NOL3: variants seen among roughly 807,000 people sequenced by gnomAD.
The protein encoded by NOL3 is nucleolar protein 3.
NOL3 carries 18 observed loss-of-function variants against 19.2 expected under a neutral mutation model. That is an observed-to-expected ratio of 0.94 (90% CI 0.65 to 1.39). NOL3 has a LOEUF of 1.39. Among genes scored for constraint, NOL3 ranks in the 40% most tolerant of loss-of-function variants. NOL3 has a pLI of 0.00. For synonymous variants in NOL3, 127 were observed against 137.3 expected (o/e 0.93, Z 0.52); for missense variants, 290 against 289.5 (o/e 1.00, Z -0.01).
In NOL3 at chr16:67,170,725, C is replaced by G. The variant is rs539766736; in HGVS notation, c.-9+151C>G. Among the ~76,000 whole-genome samples the G allele has an allele frequency of 2.6e-5, 4 of 151,870 alleles. No individual in the cohort carries two copies. The highest frequency in any genetic ancestry group is 4.4e-5 in the Non-Finnish European group (3 of 67,976). ...GCGGGGTGGGTAGGACTGTGGGCCC[C>G]GCCCTGCCGCAGGACTCTCAAGCTC... On this transcript the variant is annotated intron_variant, in intron 1 of 3. Coordinates refer to ENST00000268605, the Ensembl canonical transcript of NOL3. This position sits in a 1 kb window ranked among gnomAD's most constrained non-coding sequence, Gnocchi z 5.7.
chr16:67,171,478 C>G (rs755200372), intron 1 of NOL3: 4 of 152,352 alleles, frequency 2.6e-5, no homozygotes, highest in African/African-American at 7.2e-5. Flanking sequence ...CGATCCCTGG[C>G]TGGTGGAGGG....
exon 4 of NOL3, chr16:67,175,169 A>T: frequency 1.3e-6 from 2 of 1,584,896 alleles, no homozygotes; most frequent in Non-Finnish European, 1.7e-6. Context: ...CTGGAAGTGA[A>T]TAAACTCCGG....
At chr16:67,172,373 G>A (rs1160234905) in intron 1 of NOL3, among the ~76,000 whole-genome samples, 2 of 152,150 alleles carry the variant, frequency 1.3e-5, no homozygotes, top group Non-Finnish European at 2.9e-5. Flanking sequence ...AACACTTTGG[G>A]AGGCCAAGGT....
chr16:67,173,793 G>A (rs1200104839), intron 1 of NOL3: 26 of 1,338,570 alleles, frequency 1.9e-5, no homozygotes, highest in Middle Eastern at 2.6e-4. Context: ...TTGGATAAAC[G>A]GGGTCTGAAC....
intron 1 of NOL3, chr16:67,171,914 G>A (rs1453391465): frequency 6.6e-6 from 1 of 152,398 alleles, no homozygotes; most frequent in Non-Finnish European, 1.5e-5. Flanking sequence ...GACATAAAGG[G>A]AGATGGAGGG....
chr16:67,173,952 A>G lies in NOL3; in HGVS notation c.-8-210A>G, dbSNP rs1199703912. On this transcript the variant is annotated intron_variant, in intron 1 of 3. Coordinates refer to ENST00000268605, the Ensembl canonical transcript of NOL3. ...AGAAGGAGGAGCCTGAGGAGGAGAC[A>G]GGACAGAGCGTCTGGAGAGGCAGGA... The G allele has an allele frequency of 2.0e-6, 3 of 1,536,680 alleles. No homozygotes were observed. The South Asian group carries it at 3.6e-5, about 18-fold the overall frequency.
rs1001482651 is a variant in NOL3, at chr16:67,175,229, G to A, written c.*175G>A. The A allele has an allele frequency of 5.3e-6, 8 of 1,503,406 alleles. No homozygotes were observed. In the Admixed American group the frequency reaches 1.6e-4, roughly 29 times the overall value. 93.1% of individuals were successfully genotyped at this position (1,503,406 alleles called of 1,614,324 possible). ...CTCCACGATTCTGGCTGTTTGCCCA[G>A]GAACTTAGGGTGGGTACCTCTGAGT... is the stretch of plus-strand genomic sequence containing the variant. On this transcript the variant is annotated 3_prime_UTR_variant, in exon 4 of 4. Coordinates refer to ENST00000268605, the Ensembl canonical transcript of NOL3.
At position 67,175,041 on chromosome 16, in the gene NOL3, C is replaced by G; in HGVS notation, c.620-6C>G. ...CCTCTTTGACCACTGTTCCCGTCAT[C>G]TCTAGATTCCTGAAGGCCAGAGCTC... On this transcript the variant is annotated splice_polypyrimidine_tract_variant and splice_region_variant and intron_variant, in intron 3 of 3. Coordinates refer to ENST00000268605, the Ensembl canonical transcript of NOL3. The G allele has an allele frequency of 6.2e-7, 1 of 1,614,194 alleles. No individual in the cohort carries two copies. Among genetic ancestry groups the G allele is most frequent in the East Asian group, 2.2e-5 (1 of 44,888 alleles).
exon 3 of NOL3, chr16:67,174,627 G>A (rs996645943): frequency 6.5e-7 from 1 of 1,531,578 alleles, no homozygotes; most frequent in Non-Finnish European, 8.7e-7. Flanking sequence ...CCAGGCTACC[G>A]GGACCGCAGC....
rs1286042259 is a variant in NOL3, at chr16:67,170,638, G to T, written c.-9+64G>T. ...CCACTCCCGGCTGTGGGAGGGAAGG[G>T]AAACCGAGATTGGGCAGAATCAGCG... On this transcript the variant is annotated intron_variant, in intron 1 of 3. Coordinates refer to ENST00000268605, the Ensembl canonical transcript of NOL3. The surrounding 1 kb of genome is among the most constrained non-coding windows in gnomAD (Gnocchi z 5.7). 6.6e-6 allele frequency: 1 copy of T among 152,210 alleles called. No homozygotes were observed. The highest frequency in any genetic ancestry group is 1.5e-5 in the Non-Finnish European group (1 of 68,060). The allele number at this position is 152,210 out of a possible 1,614,324, so 9.4% of individuals were successfully genotyped here.
intron 1 of NOL3, among the ~76,000 whole-genome samples, chr16:67,172,608 C>CAAAA (rs5817617): frequency 4.6e-4 from 55 of 120,178 alleles, no homozygotes; most frequent in African/African-American, 1.6e-3. Flanking sequence ...GAGACTCTGT[C>CAAAA]AAAAAAAAAA....
chr16:67,174,338 A>G (rs2031981997), exon 2 of NOL3: 2 of 1,596,490 alleles, frequency 1.3e-6, no homozygotes, highest in East Asian at 2.3e-5. Context: ...TGCCGAGCGC[A>G]GGGTGCGCCG....
Position 67,170,727 on chromosome 16 carries a change from C to G in NOL3, c.-9+153C>G, listed in dbSNP as rs1330982048. ...GGGGTGGGTAGGACTGTGGGCCCCG[C>G]CCTGCCGCAGGACTCTCAAGCTCTG... On this transcript the variant is annotated intron_variant, in intron 1 of 3. Transcript: ENST00000268605. This position sits in a 1 kb window ranked among gnomAD's most constrained non-coding sequence, Gnocchi z 5.7. Among the ~76,000 whole-genome samples, 1 of 152,168 alleles carries G rather than the reference C, an allele frequency of 6.6e-6. No homozygotes were observed. Among genetic ancestry groups the G allele is most frequent in the East Asian group, 1.9e-4 (1 of 5,190 alleles).
rs1183957767 is a variant in NOL3, at chr16:67,170,859, C to T, written c.-9+285C>T. Among the ~76,000 whole-genome samples, 1 of 152,252 alleles carries T rather than the reference C, an allele frequency of 6.6e-6. No individual in the cohort carries two copies. Among genetic ancestry groups the T allele is most frequent in the Non-Finnish European group, 1.5e-5 (1 of 68,048 alleles). ...ACCCTGGCTTCCTGGCCAAAGAGCCCGCGCAGCGAGGTGGGGTTGGGGGCT... is the reference window on the plus strand; with the variant it reads ...ACCCTGGCTTCCTGGCCAAAGAGCCTGCGCAGCGAGGTGGGGTTGGGGGCT... On this transcript the variant is annotated intron_variant, in intron 1 of 3. Coordinates refer to ENST00000268605, the Ensembl canonical transcript of NOL3. This position sits in a 1 kb window ranked among gnomAD's most constrained non-coding sequence, Gnocchi z 5.7.
At chr16:67,172,774 A>C (rs1183402196) in intron 1 of NOL3, 4 of 151,638 alleles carry the variant, frequency 2.6e-5, no homozygotes, top group Non-Finnish European at 4.4e-5. Context: ...GCTTGAGGCC[A>C]GCAGTTCGAG....
At chr16:67,173,806 G>C (rs2031918991) in intron 1 of NOL3, 2 of 1,456,166 alleles carry the variant, frequency 1.4e-6, no homozygotes, top group Admixed American at 2.2e-5. Context: ...GTCTGAACTC[G>C]CCTCGGATTT....
chr16:67,174,243 C>A lies in NOL3; in HGVS notation c.74C>A (p.Ala25Glu), dbSNP rs561112464. The change falls in exon 2 of 4, where the codon GCG becomes GAG. Residue 25 changes from alanine to glutamate, a missense_variant. By Grantham distance (107) the Ala-to-Glu change is moderately radical. Transcript: ENST00000268605. ...AAACGCCTGGTCGAGACGCTGCAGGCGGACTCGGGACTGCTGTTGGACGCG... is the reference window on the plus strand; with the variant it reads ...AAACGCCTGGTCGAGACGCTGCAGGAGGACTCGGGACTGCTGTTGGACGCG... The A allele has an allele frequency of 4.8e-5, 77 of 1,612,892 alleles. No individual in the cohort carries two copies. The East Asian group carries it at 1.4e-3, about 29-fold the overall frequency.
chr16:67,174,023 AGCCGTCCGGCG>A, intron 1 of NOL3, 128 bp from the exon 2 acceptor site: 3 of 1,547,280 alleles, frequency 1.9e-6, no homozygotes, highest in Non-Finnish European at 2.6e-6. Context: ...GTGCTTGCGG[AGCCGTCCGGCG>A]GCTGGGATCG....
At chr16:67,175,114 G>A (rs1429765349) in exon 4 of NOL3, 1 of 1,614,014 alleles carries the variant, frequency 6.2e-7, no homozygotes, top group Non-Finnish European at 8.5e-7. Flanking sequence ...GGATGCTGCT[G>A]GAGCTGAATC....
Sources: allele counts gnomAD v4.1 joint callset (sites outside exome capture counted in the v4.1 genomes callset), GRCh38; gene constraint gnomAD v4.1.1; non-coding constraint Gnocchi (gnomAD v3.1); transcripts MANE v1.5; gene names NCBI Gene and HGNC (gene_info 2026-07-23, HGNC 2026-07-21).